The following SKIDA1 variants were observed in gnomAD, a reference collection of about 807,000 sequenced individuals.
SKIDA1 encodes SKI/DACH domain containing 1.
Under a neutral mutation model 51.4 loss-of-function variants are expected in SKIDA1, and 18 were observed. That is an observed-to-expected ratio of 0.35 (90% CI 0.24 to 0.52). The LOEUF is 0.52. Among genes scored for constraint, SKIDA1 ranks in the 20% least tolerant of loss-of-function variants. SKIDA1 has a pLI of 0.95. For synonymous variants in SKIDA1, 579 were observed against 500.5 expected, an observed-to-expected ratio of 1.16 and a Z score of -2.09; for missense variants, 1,104 against 1,180.6, an observed-to-expected ratio of 0.94 and a Z score of 0.95.
rs1415309576 is a variant in SKIDA1, at chr10:21,517,100, G to GGCA, written c.722_723insTGC (p.Ala244dup). On this transcript the variant is annotated inframe_insertion, in exon 4 of 4. Transcript: ENST00000449193. The surrounding 1 kb of genome is among the most constrained non-coding windows in gnomAD (Gnocchi z 6.9). Reference sequence around the variant, plus strand: ...CCGATACCTGGTAATAGGCGGCGGCGGCGGCGGCGGCGGCGGCGGCAGCAG... The same window carrying GGCA: ...CCGATACCTGGTAATAGGCGGCGGCGGCAGCGGCGGCGGCGGCGGCGGCAGCAG... The GGCA allele has an allele frequency of 1.2e-4, 120 of 1,003,330 alleles. No individual in the cohort carries two copies. The highest frequency in any genetic ancestry group is 1.4e-4 in the Non-Finnish European group (116 of 840,286). 62.2% of individuals were successfully genotyped at this position (1,003,330 alleles called of 1,614,324 possible). A position where few individuals can be genotyped will look rare whatever the true frequency, so the allele number is the denominator to read the frequency against.
intron 2 of SKIDA1, among the ~76,000 whole-genome samples, chr10:21,521,709 G>A (rs1241283965): frequency 1.3e-5 from 2 of 152,184 alleles, no homozygotes; most frequent in Non-Finnish European, 2.9e-5. Context: ...TTTACTCAGT[G>A]AGGAATGCCT....
chr10:21,524,722 G>C (rs953063078), intron 1 of SKIDA1: 2 of 151,860 alleles, frequency 1.3e-5, no homozygotes, highest in African/African-American at 4.8e-5. Flanking sequence ...AAGGTGGATT[G>C]TGTATTTTAA....
rs1168028290 is a variant in SKIDA1, at chr10:21,519,484, T to C, written c.-1662A>G. Reference sequence around the variant, plus strand: ...GAGAGCAAGGGTCCTCCCAGTCGCATTACCACGATCCCAAGGCGGCTCCTT... The same window carrying C: ...GAGAGCAAGGGTCCTCCCAGTCGCACTACCACGATCCCAAGGCGGCTCCTT... On this transcript the variant is annotated 5_prime_UTR_variant, in exon 4 of 4. An upstream start codon of the reference 5' UTR is lost. Coordinates refer to ENST00000449193, the MANE Select transcript of SKIDA1 (RefSeq NM_207371.4). 3 of 167,052 alleles carry C rather than the reference T, an allele frequency of 1.8e-5. No homozygotes were observed. Among genetic ancestry groups the C allele is most frequent in the Non-Finnish European group, 4.4e-5 (3 of 68,118 alleles). The allele number at this position is 167,052 out of a possible 1,614,324, so 10.3% of individuals were successfully genotyped here.
Position 21,516,317 on chromosome 10 carries a change from G to C in SKIDA1, c.1506C>G (p.Ala502=). ...AATKPAAFED[A]GRLPDLKSSV... ...TACTCTTGAGGTCGGGAAGTCTGCC[G>C]GCATCCTCGAAAGCAGCGGGTTTGG... Residue 502 remains alanine (A), a synonymous_variant, in exon 4 of 4, where the codon GCC becomes GCG. Coordinates refer to ENST00000449193, the MANE Select transcript of SKIDA1 (RefSeq NM_207371.4). The surrounding 1 kb of genome is among the most constrained non-coding windows in gnomAD (Gnocchi z 5.7). 1.9e-6 allele frequency: 3 copies of C among 1,613,698 alleles called. No individual in the cohort carries two copies. The highest frequency in any genetic ancestry group is 2.2e-5 in the East Asian group (1 of 44,880).
intron 2 of SKIDA1, among the ~76,000 whole-genome samples, chr10:21,522,266 A>ACCTCCCC (rs1564338473): frequency 3.3e-5 from 1 of 30,442 alleles, no homozygotes; most frequent in African/African-American, 1.1e-4. Context: ...GATCACAGCC[A>ACCTCCCC]CCCCCCCCCC....
chr10:21,516,537 C>G lies in SKIDA1; in HGVS notation c.1286G>C (p.Gly429Ala). The change falls in exon 4 of 4, where the codon GGG (glycine) becomes GCG (alanine). Residue 429 changes from glycine (G) to alanine (A), a missense_variant. Gly to Ala is a moderately conservative substitution (Grantham distance 60). This residue lies in a region of SKIDA1 where 938 missense variants were observed against 886.4 expected (regional missense o/e 1.06). Coordinates refer to ENST00000449193, the MANE Select transcript of SKIDA1 (RefSeq NM_207371.4). The surrounding 1 kb of genome is among the most constrained non-coding windows in gnomAD (Gnocchi z 5.7). ...EEEEEEEEEEGGSGASDSSEV... is the reference protein window; with the variant it reads ...EEEEEEEEEEAGSGASDSSEV... Reference sequence around the variant, plus strand: ...ACTGGAATCCGAGGCCCCGCTGCCCCCCTCCTCCTCCTCTTCCTCCTCCTC... The same window carrying G: ...ACTGGAATCCGAGGCCCCGCTGCCCGCCTCCTCCTCCTCTTCCTCCTCCTC... The G allele has an allele frequency of 6.7e-7, 1 of 1,489,266 alleles. No individual in the cohort carries two copies. Among genetic ancestry groups the G allele is most frequent in the Non-Finnish European group, 9.1e-7 (1 of 1,099,694 alleles). The allele number at this position is 1,489,266 out of a possible 1,614,324, so 92.3% of individuals were successfully genotyped here.
In SKIDA1 at chr10:21,515,552, A is replaced by T; in HGVS notation, c.2271T>A (p.Leu757=). The part of the protein sequence containing the change: ...SLNPLAQSQG[L]SCTLGSPKPE... The stretch of plus-strand genomic sequence containing the variant: ...GTTTTGGAGAACCTAAAGTGCATGA[A>T]AGGCCCTGACTTTGAGCCAGTGGAT... Residue 757 remains leucine, a synonymous_variant, in exon 4 of 4, where the codon CTT becomes CTA. Transcript: ENST00000449193. The T allele has an allele frequency of 1.2e-6, 2 of 1,614,008 alleles. No homozygotes were observed. Among genetic ancestry groups the T allele is most frequent in the African/African-American group, 1.3e-5 (1 of 75,052 alleles).
Position 21,516,870 on chromosome 10 carries a change from G to C in SKIDA1, c.953C>G (p.Ala318Gly). The C allele has an allele frequency of 7.7e-7, 1 of 1,303,252 alleles. No homozygotes were observed. Among genetic ancestry groups the C allele is most frequent in the South Asian group, 2.8e-5 (1 of 35,340 alleles). The allele number at this position is 1,303,252 out of a possible 1,614,324, so 80.7% of individuals were successfully genotyped here. Reference sequence around the variant, plus strand: ...AAACCTCTCCAGGCAAGTGGCCCCCGCGGCGGCCGCCGCCGCCGCTGCCGC... The same window carrying C: ...AAACCTCTCCAGGCAAGTGGCCCCCCCGGCGGCCGCCGCCGCCGCTGCCGC... ...AAAAAAAAAA[A>G]GATCLERFHL... The change falls in exon 4 of 4, where the codon GCG becomes GGG. Residue 318 changes from alanine to glycine, a missense_variant. Coordinates refer to ENST00000449193, the MANE Select transcript of SKIDA1 (RefSeq NM_207371.4). The surrounding 1 kb of genome is among the most constrained non-coding windows in gnomAD (Gnocchi z 5.7).
At position 21,515,506 on chromosome 10, in the gene SKIDA1, A is replaced by G; in HGVS notation, c.2317T>C (p.Phe773Leu). Residue 773 changes from phenylalanine (F) to leucine (L), a missense_variant, in exon 4 of 4, where the codon TTT becomes CTT. Coordinates refer to ENST00000449193, the MANE Select transcript of SKIDA1 (RefSeq NM_207371.4). The stretch of plus-strand genomic sequence containing the variant: ...TAATTTTTTCTCACCCTGGCACCAA[A>G]TTTATATTCCCCATCCTCAGGTTTT... The part of the protein sequence containing the change: ...SPKPEDGEYK[F>L]GARVRKNYRT... 1 of 1,613,960 alleles carries G rather than the reference A, an allele frequency of 6.2e-7. No individual in the cohort carries two copies. Among genetic ancestry groups the G allele is most frequent in the South Asian group, 1.1e-5 (1 of 91,084 alleles).
At position 21,517,047 on chromosome 10, in the gene SKIDA1, G is replaced by A; in HGVS notation, c.776C>T (p.Ala259Val). 9.8e-7 allele frequency: 1 copy of A among 1,016,960 alleles called. No homozygotes were observed. Among genetic ancestry groups the A allele is most frequent in the Non-Finnish European group, 1.2e-6 (1 of 853,232 alleles). 63.0% of individuals were successfully genotyped at this position (1,016,960 alleles called of 1,614,324 possible). The change falls in exon 4 of 4, where the codon GCG (alanine) becomes GTG (valine). Residue 259 changes from alanine to valine, a missense_variant. Ala to Val is a moderately conservative substitution (Grantham distance 64). This residue lies in a region of SKIDA1 where 938 missense variants were observed against 886.4 expected (regional missense o/e 1.06). Transcript: ENST00000449193. The surrounding 1 kb of genome is among the most constrained non-coding windows in gnomAD (Gnocchi z 6.9). ...SAAGPQPKAAAGAGGPGSLSY... is the reference protein window; with the variant it reads ...SAAGPQPKAAVGAGGPGSLSY... The stretch of plus-strand genomic sequence containing the variant: ...CAGGCTCCCCGGGCCTCCGGCGCCC[G>A]CCGCTGCCTTGGGCTGGGGCCCGGC...
In SKIDA1 at chr10:21,516,277, A is replaced by C. The variant is rs2032200854; in HGVS notation, c.1546T>G (p.Ser516Ala). The change falls in exon 4 of 4, where the codon TCG (serine) becomes GCG (alanine). Residue 516 changes from serine to alanine, a missense_variant. Coordinates refer to ENST00000449193, the MANE Select transcript of SKIDA1 (RefSeq NM_207371.4). This position sits in a 1 kb window ranked among gnomAD's most constrained non-coding sequence, Gnocchi z 5.7. ...PDLKSSVKAESPAEWNLQSWA... is the reference protein window; with the variant it reads ...PDLKSSVKAEAPAEWNLQSWA... Reference sequence around the variant, plus strand: ...CTCTGCAGATTCCACTCCGCCGGCGACTCCGCTTTGACACTACTCTTGAGG... The same window carrying C: ...CTCTGCAGATTCCACTCCGCCGGCGCCTCCGCTTTGACACTACTCTTGAGG... 1.9e-6 allele frequency: 3 copies of C among 1,613,182 alleles called. No homozygotes were observed. Among genetic ancestry groups the C allele is most frequent in the Admixed American group, 1.7e-5 (1 of 59,936 alleles).
rs945493184 is a variant in SKIDA1, at chr10:21,519,496, C to G, written c.-1674G>C. On this transcript the variant is annotated 5_prime_UTR_variant, in exon 4 of 4. Transcript: ENST00000449193. Reference sequence around the variant, plus strand: ...CCTCCCAGTCGCATTACCACGATCCCAAGGCGGCTCCTTGGCTGCTTTGCA... The same window carrying G: ...CCTCCCAGTCGCATTACCACGATCCGAAGGCGGCTCCTTGGCTGCTTTGCA... 1.2e-5 allele frequency: 2 copies of G among 167,052 alleles called. No individual in the cohort carries two copies. The highest frequency in any genetic ancestry group is 2.4e-5 in the African/African-American group (1 of 41,448). 10.3% of individuals were successfully genotyped at this position (167,052 alleles called of 1,614,324 possible).
At position 21,522,288 on chromosome 10, in the gene SKIDA1, C is replaced by T. The variant is rs867209093; in HGVS notation, c.-1928-808G>A. 8.8e-5 allele frequency among the ~76,000 whole-genome samples: 5 copies of T among 56,802 alleles called. 1 individual carries two copies. Among genetic ancestry groups the T allele is most frequent in the Non-Finnish European group, 1.9e-4 (4 of 21,340 alleles). 37.3% of individuals were successfully genotyped at this position (56,802 alleles called of 152,430 possible). ...GCCACCCCCCCCCCCCCCCCCCCCC[C>T]CCCGCCACCAGCTCTTCACCATATA... On this transcript the variant is annotated intron_variant, in intron 2 of 3. Coordinates refer to ENST00000449193, the MANE Select transcript of SKIDA1 (RefSeq NM_207371.4).
At chr10:21,525,343 G>A (rs1254858835) in intron 1 of SKIDA1, among the ~76,000 whole-genome samples, 1 of 152,192 alleles carries the variant, frequency 6.6e-6, no homozygotes, top group Non-Finnish European at 1.5e-5. Flanking sequence ...CATTTGCTTT[G>A]GGGTACGCTG....
rs374060542 is a variant in SKIDA1 at position 21,517,775 on chromosome 10, G to T, written c.48C>A (p.Leu16=). 13 of 1,613,096 alleles carry T rather than the reference G, an allele frequency of 8.1e-6. No homozygotes were observed. Among genetic ancestry groups the T allele is most frequent in the African/African-American group, 1.3e-5 (1 of 74,900 alleles). ...SGFEEVDGVR[L]GYLIIKGKQM... The stretch of plus-strand genomic sequence containing the variant: ...GCTTCCCTTTAATGATGAGGTAGCC[G>T]AGCCTCACGCCATCCACCTCTTCAA... The change falls in exon 4 of 4, where the codon CTC becomes CTA. Residue 16 remains leucine (L), a synonymous_variant. Coordinates refer to ENST00000449193, the MANE Select transcript of SKIDA1 (RefSeq NM_207371.4). The surrounding 1 kb of genome is among the most constrained non-coding windows in gnomAD (Gnocchi z 6.9).
At position 21,524,332 on chromosome 10, in the gene SKIDA1, ATCTG is replaced by A. The variant is rs377425094; in HGVS notation, c.-2117-465_-2117-462del. Reference sequence around the variant, plus strand: ...CCGATACAAACCTGCCTTTTACTACATCTGTCTAAGCAGCGCATTGCTAAGTATA... The same window carrying A: ...CCGATACAAACCTGCCTTTTACTACATCTAAGCAGCGCATTGCTAAGTATA... On this transcript the variant is annotated intron_variant, in intron 1 of 3. Transcript: ENST00000449193. Among the ~76,000 whole-genome samples, 438 of 152,270 alleles carry A rather than the reference ATCTG, an allele frequency of 2.9e-3. 3 individuals are homozygous for A. The highest frequency in any genetic ancestry group is 9.8e-3 in the African/African-American group (407 of 41,540).
chr10:21,517,720 C>A lies in SKIDA1; in HGVS notation c.103G>T (p.Asp35Tyr). The A allele has an allele frequency of 1.9e-6, 3 of 1,613,990 alleles. No individual in the cohort carries two copies. Among genetic ancestry groups the A allele is most frequent in the Non-Finnish European group, 2.5e-6 (3 of 1,179,896 alleles). The change falls in exon 4 of 4, where the codon GAT becomes TAT. Residue 35 changes from aspartate to tyrosine, a missense_variant. This residue lies in a region of SKIDA1 where 54 missense variants were observed against 126.0 expected (regional missense o/e 0.43). Coordinates refer to ENST00000449193, the MANE Select transcript of SKIDA1 (RefSeq NM_207371.4). The surrounding 1 kb of genome is among the most constrained non-coding windows in gnomAD (Gnocchi z 6.9). The part of the protein sequence containing the change: ...QMFALSQVFT[D>Y]LLKNIPRTTV... ...GTCCTCGGGATGTTTTTCAGCAGAT[C>A]TGTGAAGACTTGGGAGAGGGCAAAC...
chr10:21,523,493 G>A (rs1292627500), intron 2 of SKIDA1, among the ~76,000 whole-genome samples, 190 bp downstream of exon 2: 1 of 152,064 alleles, frequency 6.6e-6, no homozygotes, highest in Admixed American at 6.6e-5. Flanking sequence ...TGAGACACAT[G>A]GGCCTTTCAC....
chr10:21,517,082 C>G lies in SKIDA1; in HGVS notation c.741G>C (p.Gln247His). 1.0e-6 allele frequency: 1 copy of G among 1,001,832 alleles called. No homozygotes were observed. The highest frequency in any genetic ancestry group is 1.2e-6 in the Non-Finnish European group (1 of 844,540). The allele number at this position is 1,001,832 out of a possible 1,614,324, so 62.1% of individuals were successfully genotyped here. ...AAAAAAAAYY[Q>H]VSAAGPQPKA... The stretch of plus-strand genomic sequence containing the variant: ...TGGGCTGGGGCCCGGCCGCCGATAC[C>G]TGGTAATAGGCGGCGGCGGCGGCGG... The change falls in exon 4 of 4, where the codon CAG (glutamine) becomes CAC (histidine). Residue 247 changes from glutamine to histidine, a missense_variant. By Grantham distance (24) the Gln-to-His change is conservative. Coordinates refer to ENST00000449193, the MANE Select transcript of SKIDA1 (RefSeq NM_207371.4). The surrounding 1 kb of genome is among the most constrained non-coding windows in gnomAD (Gnocchi z 6.9).
Sources: gnomAD v4.1 joint callset for allele counts (sites outside exome capture counted in the v4.1 genomes callset) on GRCh38, gnomAD v4.1.1 for gene constraint, gnomAD v4.1.1 regional missense constraint, Gnocchi (gnomAD v3.1) non-coding constraint, MANE v1.5 for transcripts, NCBI Gene and HGNC (gene_info 2026-07-23, HGNC 2026-07-21) for gene names.